Variants in ORC3 observed in about 807,000 individuals in gnomAD.
The protein encoded by ORC3 is homolog of latheo, Drosophila.
A neutral mutation model predicts 100.7 loss-of-function variants in ORC3; 78 were observed. The ratio of observed to expected loss-of-function variants is 0.77; its 90% confidence interval spans 0.65 to 0.94. The LOEUF (loss-of-function observed/expected upper bound fraction) is 0.94. ORC3 is among the 40% of genes least tolerant of loss of function. The pLI is 0.00. For synonymous variants in ORC3, 295 were observed against 289.3 expected, an observed-to-expected ratio of 1.02 and a Z score of -0.20; for missense variants, 789 against 823.9, an observed-to-expected ratio of 0.96 and a Z score of 0.52.
At chr6:87,675,481 G>A in the ORC3 span, 14 of 1,452,018 alleles carry the variant, frequency 9.6e-6, no homozygotes, top group Non-Finnish European at 1.3e-5. Flanking sequence ...ACTGACGAAA[G>A]CTTGAAATAA....
intron 12 of ORC3, among the ~76,000 whole-genome samples, chr6:87,635,329 C>G (rs1017784184): frequency 5.3e-5 from 8 of 152,198 alleles, no homozygotes; most frequent in African/African-American, 1.7e-4. Context: ...CCTTGCACTA[C>G]ACCCAGAATA....
intron 2 of ORC3, among the ~76,000 whole-genome samples, chr6:87,599,037 T>C (rs1282951372): frequency 6.6e-6 from 1 of 152,176 alleles, no homozygotes; most frequent in Non-Finnish European, 1.5e-5. Context: ...AGTATAGCAC[T>C]GTGAATAGGA....
chr6:87,671,496 A>G (rs952315376), downstream of ORC3, among the ~76,000 whole-genome samples: 2 of 152,064 alleles, frequency 1.3e-5, no homozygotes, highest in East Asian at 3.9e-4. Flanking sequence ...AAGATGTCAC[A>G]TGAAGACGTT....
intron 14 of ORC3, 56 bp from the exon 15 acceptor site, chr6:87,656,849 GT>G: frequency 6.0e-6 from 7 of 1,172,976 alleles, no homozygotes; most frequent in African/African-American, 4.6e-5. Context: ...AGAAATGTTT[GT>G]TCCCTTGACT....
At chr6:87,611,309 C>T (rs1382902878) in intron 7 of ORC3, among the ~76,000 whole-genome samples, 1 of 152,086 alleles carries the variant, frequency 6.6e-6, no homozygotes. Flanking sequence ...TGACACTGAA[C>T]TGCTTAGCAT....
intron 13 of ORC3, among the ~76,000 whole-genome samples, chr6:87,638,873 T>C (rs761242139): frequency 7.9e-5 from 12 of 152,014 alleles, no homozygotes; most frequent in Non-Finnish European, 1.3e-4. Flanking sequence ...TGAATAAGTG[T>C]AAGAAAATGG....
chr6:87,593,454 A>C (rs182940826), intron 1 of ORC3, among the ~76,000 whole-genome samples: 2 of 152,390 alleles, frequency 1.3e-5, no homozygotes, highest in East Asian at 3.9e-4. Context: ...ATGTTCAAGT[A>C]CTGAGAGATC....
At position 87,607,761 on chromosome 6, in the gene ORC3, C is replaced by T; in HGVS notation, c.516C>T (p.Val172=). The T allele has an allele frequency of 1.2e-6, 2 of 1,612,452 alleles. No individual in the cohort carries two copies. Among genetic ancestry groups the T allele is most frequent in the African/African-American group, 1.3e-5 (1 of 74,992 alleles). ...CCAAAGAGGAGGAAAGTGTTCACGT[C>T]ACCCAAAGAAAGACACATTATTCAA... is the stretch of plus-strand genomic sequence containing the variant. ...IKSKEEESVH[V]TQRKTHYSMD... is the part of the protein sequence containing the mutation. Residue 172 remains valine (V), a synonymous_variant, in exon 6 of 20, where the codon GTC becomes GTT. Transcript: ENST00000392844.
At chr6:87,624,834 C>T (rs1347239279) in intron 11 of ORC3, among the ~76,000 whole-genome samples, 1 of 151,122 alleles carries the variant, frequency 6.6e-6, no homozygotes, top group African/African-American at 2.5e-5. Context: ...CTAATGCTAT[C>T]CTTCCCCCAG....
intron 16 of ORC3, among the ~76,000 whole-genome samples, chr6:87,661,332 G>T (rs1185640898): frequency 1.3e-5 from 2 of 152,034 alleles, no homozygotes; most frequent in Non-Finnish European, 2.9e-5. Flanking sequence ...AGTATCTGAG[G>T]TATAGAATAT....
At chr6:87,605,537 C>T (rs1309480892) in intron 4 of ORC3, among the ~76,000 whole-genome samples, 1 of 151,944 alleles carries the variant, frequency 6.6e-6, no homozygotes, top group Non-Finnish European at 1.5e-5. Flanking sequence ...GTAATTCCAG[C>T]TACTCAGGAG....
the ORC3 span, among the ~76,000 whole-genome samples, chr6:87,676,596 A>AAAAC: frequency 1.4e-5 from 2 of 142,046 alleles, no homozygotes; most frequent in African/African-American, 5.4e-5. Flanking sequence ...CTCTACTAAA[A>AAAAC]ACACACACAC....
chr6:87,677,264 G>A, the ORC3 span, among the ~76,000 whole-genome samples: 1 of 151,948 alleles, frequency 6.6e-6, no homozygotes, highest in African/African-American at 2.4e-5. Context: ...ATATATCTAA[G>A]CAAATTATCT....
At chr6:87,613,354 A>T (rs1004064708) in intron 8 of ORC3, among the ~76,000 whole-genome samples, 7 of 152,184 alleles carry the variant, frequency 4.6e-5, no homozygotes, top group African/African-American at 1.7e-4. Context: ...CCATGATTCA[A>T]TTACCGCCCA....
At position 87,603,495 on chromosome 6, in the gene ORC3, C is replaced by T. The variant is rs1354608187; in HGVS notation, c.289C>T (p.Leu97Phe). 6.6e-7 allele frequency: 1 copy of T among 1,523,354 alleles called. No individual in the cohort carries two copies. The highest frequency in any genetic ancestry group is 1.8e-4 in the Middle Eastern group (1 of 5,704). The allele number at this position is 1,523,354 out of a possible 1,614,324, so 94.4% of individuals were successfully genotyped here. ...AAGAGACTTGGGCGGTCAAATAAAA[C>T]TCAGAGAAATTCCAACTGCTGCTCT... ...NSRDLGGQIKLREIPTAALVL... is the reference protein window; with the variant it reads ...NSRDLGGQIKFREIPTAALVL... Residue 97 changes from leucine to phenylalanine, a missense_variant, in exon 4 of 20, where the codon CTC (leucine) becomes TTC (phenylalanine). Coordinates refer to ENST00000392844, the MANE Select transcript of ORC3 (RefSeq NM_012381.4).
At chr6:87,625,854 G>T (rs1049387755) in intron 11 of ORC3, among the ~76,000 whole-genome samples, 14 of 151,994 alleles carry the variant, frequency 9.2e-5, no homozygotes, top group Non-Finnish European at 5.9e-5. Flanking sequence ...CATCTTGAAT[G>T]ATTTTTTTAT....
chr6:87,660,219 C>T (rs1226969351), intron 16 of ORC3, among the ~76,000 whole-genome samples: 4 of 152,152 alleles, frequency 2.6e-5, no homozygotes, highest in Non-Finnish European at 5.9e-5. Flanking sequence ...TGAAATAATG[C>T]TCAGTATAAT....
At chr6:87,656,881 T>C in intron 14 of ORC3, 25 bp from the exon 15 acceptor site, 1 of 1,547,770 alleles carries the variant, frequency 6.5e-7, no homozygotes, top group East Asian at 2.3e-5. Context: ...CTCATTGATG[T>C]CTACTGGTTT....
At position 87,590,723 on chromosome 6, in the gene ORC3, A is replaced by G. The variant is rs1776777401; in HGVS notation, c.24+531A>G. Among the ~76,000 whole-genome samples the G allele has an allele frequency of 3.9e-5, 6 of 152,198 alleles. No individual in the cohort carries two copies. In the South Asian group the frequency reaches 1.2e-3, roughly 31 times the overall value. On this transcript the variant is annotated intron_variant, in intron 1 of 19. Transcript: ENST00000392844. The stretch of plus-strand genomic sequence containing the variant: ...TTTCGCTGAGACCTGAAAAATGAGT[A>G]GAAGTTAGGTTAAGGATTAGGGCGA...
Sources: gnomAD v4.1 joint callset for allele counts (sites outside exome capture counted in the v4.1 genomes callset) on GRCh38, gnomAD v4.1.1 for gene constraint, MANE v1.5 for transcripts, NCBI Gene and HGNC (gene_info 2026-07-23, HGNC 2026-07-21) for gene names.